Variants in ENTPD4 observed in about 807,000 individuals in gnomAD.
ENTPD4 encodes the protein ectonucleoside triphosphate diphosphohydrolase 4.
In ENTPD4, 60 loss-of-function variants were observed where a neutral mutation model predicts 79.1. The ratio of observed to expected loss-of-function variants is 0.76; its 90% CI spans 0.62 to 0.94. The LOEUF (loss-of-function observed/expected upper bound fraction) is 0.94, where lower values mean the gene tolerates loss of function less well. Among genes scored for constraint, ENTPD4 ranks in the 40% least tolerant of loss-of-function variants. The probability of loss-of-function intolerance (pLI) is 0.00; values close to 1 mark genes in which losing one functional copy is unlikely to be tolerated. For synonymous variants in ENTPD4, 276 were observed against 292.0 expected (o/e 0.95, Z 0.56); for missense variants, 772 against 775.1 (o/e 1.00, Z 0.05).
rs765912442 is a variant in ENTPD4, at chr8:23,448,785, G to T, written c.163C>A (p.Arg55=). The part of the protein sequence containing the change: ...SLLYFSVVII[R]NKYGRLTRDK... ...CTGGTTAGTCGCCCATACTTATTTC[G>T]GATTATGACAACAGAAAAATATAAA... Residue 55 remains arginine (R), a synonymous_variant, in exon 3 of 13, where the codon CGA becomes AGA. Transcript: ENST00000358689. 2.5e-6 allele frequency: 4 copies of T among 1,613,798 alleles called. No individual in the cohort carries two copies. Among genetic ancestry groups the T allele is most frequent in the Non-Finnish European group, 2.5e-6 (3 of 1,179,984 alleles).
chr8:23,447,801 G>A lies in ENTPD4; in HGVS notation c.291C>T (p.Ser97=), dbSNP rs1800787869. 1.2e-6 allele frequency: 2 copies of A among 1,614,162 alleles called. No homozygotes were observed. The highest frequency in any genetic ancestry group is 1.7e-6 in the Non-Finnish European group (2 of 1,179,992). The change falls in exon 4 of 13, where the codon AGC becomes AGT. Residue 97 remains serine, a synonymous_variant. Transcript: ENST00000358689. The stretch of plus-strand genomic sequence containing the variant: ...AGTAAACAAATACTCGAGACCCACT[G>A]CTACCACAGTCCACCACGATCCCAT... The part of the protein sequence containing the change: ...VNYGIVVDCG[S]SGSRVFVYCW...
chr8:23,441,350 C>A (rs1318761582), intron 8 of ENTPD4: 19 of 929,694 alleles, frequency 2.0e-5, no homozygotes, highest in Non-Finnish European at 2.4e-5. Flanking sequence ...AAGAAAAACT[C>A]TACGTTCAGA....
chr8:23,453,408 C>T (rs1440908980), intron 1 of ENTPD4, among the ~76,000 whole-genome samples: 1 of 152,166 alleles, frequency 6.6e-6, no homozygotes, highest in Non-Finnish European at 1.5e-5. Flanking sequence ...GCTATGAATA[C>T]ACACAACTTG....
intron 6 of ENTPD4, among the ~76,000 whole-genome samples, 186 bp from the exon 7 acceptor site, chr8:23,442,252 T>C (rs1194926514): frequency 6.6e-6 from 1 of 152,032 alleles, no homozygotes; most frequent in Non-Finnish European, 1.5e-5. Flanking sequence ...CTCTCAACTT[T>C]AATGTTTATA....
rs188475018 is a variant in ENTPD4 at position 23,447,890 on chromosome 8, T to C, written c.207-5A>G. ...TCGGTAACTCGTGCCAGGTACCTTGTATAGAAACACACGTATGCTTTGATT... is the reference window on the plus strand; with the variant it reads ...TCGGTAACTCGTGCCAGGTACCTTGCATAGAAACACACGTATGCTTTGATT... On this transcript the variant is annotated splice_polypyrimidine_tract_variant and splice_region_variant and intron_variant, in intron 3 of 12. Coordinates refer to ENST00000358689, the MANE Select transcript of ENTPD4 (RefSeq NM_004901.5). 8.1e-6 allele frequency: 13 copies of C among 1,612,104 alleles called. No homozygotes were observed. The South Asian group carries it at 1.3e-4, about 16-fold the overall frequency.
At chr8:23,436,510 T>C (rs188615246) in intron 10 of ENTPD4, among the ~76,000 whole-genome samples, 19 of 152,010 alleles carry the variant, frequency 1.2e-4, no homozygotes, top group Middle Eastern at 3.4e-3. Flanking sequence ...GATGAGACCA[T>C]CCAAGAACCT....
At chr8:23,446,335 G>C (rs1379071736) in intron 4 of ENTPD4, among the ~76,000 whole-genome samples, 1 of 152,132 alleles carries the variant, frequency 6.6e-6, no homozygotes, top group Non-Finnish European at 1.5e-5. Context: ...TCACTGATGG[G>C]ACCTGGTACG....
In ENTPD4 at chr8:23,429,378, A is replaced by C; in HGVS notation, c.*3548T>G. 1 of 985,306 alleles carries C rather than the reference A, an allele frequency of 1.0e-6. No individual in the cohort carries two copies. The highest frequency in any genetic ancestry group is 1.2e-6 in the Non-Finnish European group (1 of 829,780). 61.0% of individuals were successfully genotyped at this position (985,306 alleles called of 1,614,324 possible). On this transcript the variant is annotated 3_prime_UTR_variant, in exon 13 of 13. Coordinates refer to ENST00000358689, the MANE Select transcript of ENTPD4 (RefSeq NM_004901.5). ...AATATAATTTTAGTACAGAACAAAC[A>C]AATTCTCCTTGGTTGGTCACATCAT...
At chr8:23,446,424 T>C (rs191336189) in intron 4 of ENTPD4, among the ~76,000 whole-genome samples, 127 of 152,338 alleles carry the variant, frequency 8.3e-4, no homozygotes, top group Non-Finnish European at 9.4e-4. Context: ...TTACTTTAAC[T>C]GAAAATGTTT....
intron 1 of ENTPD4, among the ~76,000 whole-genome samples, chr8:23,456,675 T>C (rs1390320044): frequency 6.6e-6 from 1 of 152,200 alleles, no homozygotes; most frequent in Admixed American, 6.5e-5. Flanking sequence ...AATTCTACTA[T>C]GTCAAACAGA....
Position 23,430,153 on chromosome 8 carries a change from T to G in ENTPD4, c.*2773A>C. On this transcript the variant is annotated 3_prime_UTR_variant, in exon 13 of 13. Coordinates refer to ENST00000358689, the MANE Select transcript of ENTPD4 (RefSeq NM_004901.5). ...TGGCTTGTCTCTCACCCACCCTGTA[T>G]CTCTTAGAGAAAGCACCTGGCTGTC... 1.0e-6 allele frequency: 1 copy of G among 985,454 alleles called. No individual in the cohort carries two copies. Among genetic ancestry groups the G allele is most frequent in the Non-Finnish European group, 1.2e-6 (1 of 829,940 alleles). The allele number at this position is 985,454 out of a possible 1,614,324, so 61.0% of individuals were successfully genotyped here.
intron 1 of ENTPD4, among the ~76,000 whole-genome samples, chr8:23,451,862 C>T (rs1203168410): frequency 2.0e-5 from 3 of 152,180 alleles, no homozygotes; most frequent in African/African-American, 7.2e-5. Context: ...TGATCAATAA[C>T]TGCAATGCCT....
chr8:23,432,902 G>A lies in ENTPD4; in HGVS notation c.*24C>T, dbSNP rs1180230956. The A allele has an allele frequency of 6.5e-7, 1 of 1,544,364 alleles. No individual in the cohort carries two copies. Among genetic ancestry groups the A allele is most frequent in the South Asian group, 1.2e-5 (1 of 84,276 alleles). On this transcript the variant is annotated 3_prime_UTR_variant, in exon 13 of 13. Transcript: ENST00000358689. ...AGGCAAAAATGGCTTTTCCTTTTGAGTCTTCGTGGAGCTGTGAGCTGGATC... is the reference window on the plus strand; with the variant it reads ...AGGCAAAAATGGCTTTTCCTTTTGAATCTTCGTGGAGCTGTGAGCTGGATC...
At position 23,435,386 on chromosome 8, in the gene ENTPD4, A is replaced by G. The variant is rs1188124480; in HGVS notation, c.1460+6T>C. The G allele has an allele frequency of 6.2e-7, 1 of 1,608,796 alleles. No homozygotes were observed. On this transcript the variant is annotated splice_donor_region_variant and intron_variant, in intron 11 of 12. Coordinates refer to ENST00000358689, the MANE Select transcript of ENTPD4 (RefSeq NM_004901.5). ...AGTGCCCTGGGCTTGACCTTCTAGT[A>G]CTTACTTAAGCCTGTGGAGGTCAGC... is the stretch of plus-strand genomic sequence containing the variant.
At chr8:23,447,952 A>G (rs1800792427) in intron 3 of ENTPD4, 67 bp from the exon 4 acceptor site, 1 of 1,288,764 alleles carries the variant, frequency 7.8e-7, no homozygotes, top group Non-Finnish European at 1.1e-6. Flanking sequence ...AACAGAGAAA[A>G]TGCAGCAAAT....
chr8:23,431,880 G>T lies in ENTPD4; in HGVS notation c.*1046C>A. ...ATGCCACTGAAATATGGAATAAGGA[G>T]CGTAATTACCTGCGGTCAGGAAAAG... On this transcript the variant is annotated 3_prime_UTR_variant, in exon 13 of 13. Coordinates refer to ENST00000358689, the MANE Select transcript of ENTPD4 (RefSeq NM_004901.5). The T allele has an allele frequency of 6.1e-6, 6 of 985,324 alleles. No individual in the cohort carries two copies. The South Asian group carries it at 1.9e-4, about 31-fold the overall frequency. 61.0% of individuals were successfully genotyped at this position (985,324 alleles called of 1,614,324 possible).
At position 23,429,608 on chromosome 8, in the gene ENTPD4, A is replaced by T. The variant is rs900174275; in HGVS notation, c.*3318T>A. ...ATACATGCTCCTTATAAGGAAAACT[A>T]CTCTGTGTAGGCCTGAGTTTAAAAT... On this transcript the variant is annotated 3_prime_UTR_variant, in exon 13 of 13. Transcript: ENST00000358689. 43 of 985,210 alleles carry T rather than the reference A, an allele frequency of 4.4e-5. No individual in the cohort carries two copies. The highest frequency in any genetic ancestry group is 4.6e-5 in the Non-Finnish European group (38 of 829,900). The allele number at this position is 985,210 out of a possible 1,614,324, so 61.0% of individuals were successfully genotyped here.
At position 23,451,715 on chromosome 8, in the gene ENTPD4, A is replaced by G. The variant is rs140472606; in HGVS notation, c.-97-1718T>C. ...GTTCCGAGTGGTCTTCAAAAATGCC[A>G]GGCACTCTCTGGTCTCAGGGTCTCT... On this transcript the variant is annotated intron_variant, in intron 1 of 12. Transcript: ENST00000358689. 1.1e-3 allele frequency among the ~76,000 whole-genome samples: 162 copies of G among 152,312 alleles called. 1 individual carries two copies. Among genetic ancestry groups the G allele is most frequent in the South Asian group, 6.0e-3 (29 of 4,822 alleles).
chr8:23,439,533 G>A (rs763675650), intron 9 of ENTPD4, among the ~76,000 whole-genome samples: 11 of 152,278 alleles, frequency 7.2e-5, no homozygotes, highest in African/African-American at 1.7e-4. Context: ...GAGAGCGCAC[G>A]CACACACCTC....
Sources: allele counts gnomAD v4.1 joint callset (sites outside exome capture counted in the v4.1 genomes callset), GRCh38; gene constraint gnomAD v4.1.1; transcripts MANE v1.5; gene names NCBI Gene and HGNC (gene_info 2026-07-23, HGNC 2026-07-21).